MARVELD2: variants seen among roughly 807,000 people sequenced by gnomAD.
MARVELD2 encodes the protein MARVEL domain containing 2.
A neutral mutation model predicts 57.6 loss-of-function variants in MARVELD2; 49 were observed. The observed-to-expected ratio is 0.85, with a 90% CI of 0.68 to 1.08. The LOEUF is 1.08. Among genes scored for constraint, MARVELD2 ranks in the 50% least tolerant of loss-of-function variants. The pLI, the probability that MARVELD2 is intolerant of heterozygous loss-of-function variation, is 0.00. For synonymous variants in MARVELD2, 238 were observed against 258.8 expected (o/e 0.92, Z 0.77); for missense variants, 606 against 701.1 (o/e 0.86, Z 1.53).
intron 5 of MARVELD2, among the ~76,000 whole-genome samples, chr5:69,438,977 G>T (rs1336680078): frequency 6.7e-6 from 1 of 150,292 alleles, no homozygotes; most frequent in Non-Finnish European, 1.5e-5. Context: ...GAGACAGGAG[G>T]ATCACTTGAG....
At chr5:69,422,346 T>C (rs1427119302) in intron 2 of MARVELD2, among the ~76,000 whole-genome samples, 1 of 152,206 alleles carries the variant, frequency 6.6e-6, no homozygotes. Context: ...GAATTCTTTT[T>C]CTCAGCAAGG....
chr5:69,436,950 C>T (rs1207392711), intron 5 of MARVELD2, among the ~76,000 whole-genome samples: 2 of 151,936 alleles, frequency 1.3e-5, no homozygotes, highest in Non-Finnish European at 2.9e-5. Flanking sequence ...TGGAGAAACC[C>T]CATCTCGGCC....
chr5:69,441,475 C>T, intron 6 of MARVELD2, 57 bp from the exon 7 acceptor site: 2 of 1,589,906 alleles, frequency 1.3e-6, no homozygotes, highest in Non-Finnish European at 1.7e-6. Flanking sequence ...ATGTATGTTT[C>T]TGTGTTTTTC....
At chr5:69,426,320 C>CATTATTATTATTATTATTATTATT (rs61577972) in intron 3 of MARVELD2, among the ~76,000 whole-genome samples, 46 of 140,116 alleles carry the variant, frequency 3.3e-4, no homozygotes, top group East Asian at 6.2e-4. Flanking sequence ...AGATACTGGA[C>CATTATTATTATTATTATTATTATT]ATTATTATTA....
intron 3 of MARVELD2, among the ~76,000 whole-genome samples, chr5:69,425,021 T>A (rs1421568279): frequency 2.7e-5 from 4 of 146,784 alleles, no homozygotes; most frequent in African/African-American, 7.5e-5. Flanking sequence ...TGAGACTGTT[T>A]AAAAAAAGAA....
At position 69,432,527 on chromosome 5, in the gene MARVELD2, T is replaced by C; in HGVS notation, c.1183T>C (p.Cys395Arg). Residue 395 changes from cysteine to arginine, a missense_variant and splice_region_variant, in exon 4 of 7, where the codon TGT (cysteine) becomes CGT (arginine). By Grantham distance (180) the Cys-to-Arg change is radical. Transcript: ENST00000325631. ...ATCCTCTTTTTCTCCCTAACTGCAG[T>C]GTGAAATGGCCACCAGTGGTGACAG... is the stretch of plus-strand genomic sequence containing the variant. ...EPSLSSKRKM[C>R]EMATSGDRQR... The C allele has an allele frequency of 1.2e-6, 2 of 1,613,798 alleles. No homozygotes were observed. Among genetic ancestry groups the C allele is most frequent in the Non-Finnish European group, 1.7e-6 (2 of 1,179,716 alleles).
chr5:69,441,070 G>A (rs1024104371), intron 6 of MARVELD2, among the ~76,000 whole-genome samples: 1 of 151,982 alleles, frequency 6.6e-6, no homozygotes, highest in Admixed American at 6.6e-5. Flanking sequence ...GCAACAAAGT[G>A]AAACCCTGTC....
In MARVELD2 at chr5:69,419,957, G is replaced by A; in HGVS notation, c.572G>A (p.Gly191Asp). 1.2e-6 allele frequency: 2 copies of A among 1,614,160 alleles called. No homozygotes were observed. The highest frequency in any genetic ancestry group is 1.7e-6 in the Non-Finnish European group (2 of 1,180,032). The change falls in exon 2 of 7, where the codon GGC (glycine) becomes GAC (aspartate). Residue 191 changes from glycine to aspartate, a missense_variant. By Grantham distance (94) the Gly-to-Asp change is moderately conservative. Coordinates refer to ENST00000325631, the MANE Select transcript of MARVELD2 (RefSeq NM_001038603.3). ...TACTCCTACATGAAGTCGTGGGCAG[G>A]CCTGCTGAGAATACTGGGTGTGGTG... ...LRYSYMKSWA[G>D]LLRILGVVEL...
rs1163571513 is a variant in MARVELD2 at position 69,444,192 on chromosome 5, A to G, written c.*2538A>G. 6 of 152,102 alleles carry G rather than the reference A, an allele frequency of 3.9e-5. No homozygotes were observed. The highest frequency in any genetic ancestry group is 1.4e-4 in the African/African-American group (6 of 41,434). 9.4% of individuals were successfully genotyped at this position (152,102 alleles called of 1,614,324 possible). ...AATGTTGTGGTCAATCCCTAGGTGC[A>G]TTAAAGTTTCAGTCACCTGCCGTGT... On this transcript the variant is annotated 3_prime_UTR_variant, in exon 7 of 7. Transcript: ENST00000325631.
rs1580490375 is a variant in MARVELD2 at position 69,432,568 on chromosome 5, A to G, written c.1224A>G (p.Glu408=). The part of the protein sequence containing the change: ...ATSGDRQRDS[E]VNFKELRTAK... ...GTGGTGACAGACAAAGAGACTCAGA[A>G]GTTAATTTCAAGGAACTGAGAACAG... The change falls in exon 4 of 7, where the codon GAA becomes GAG. Residue 408 remains glutamate (E), a synonymous_variant. Transcript: ENST00000325631. 2 of 1,614,198 alleles carry G rather than the reference A, an allele frequency of 1.2e-6. No homozygotes were observed. Among genetic ancestry groups the G allele is most frequent in the Non-Finnish European group, 1.7e-6 (2 of 1,180,034 alleles).
At position 69,441,571 on chromosome 5, in the gene MARVELD2, C is replaced by G. The variant is rs771715111; in HGVS notation, c.1594C>G (p.Leu532Val). ...GGAAAAAAAAGAACGCTGTGATTACCTAAAGAATAAACTTTCTCACATAAA... is the reference window on the plus strand; with the variant it reads ...GGAAAAAAAAGAACGCTGTGATTACGTAAAGAATAAACTTTCTCACATAAA... The part of the protein sequence containing the change: ...FLEKKERCDY[L>V]KNKLSHIKQR... Residue 532 changes from leucine to valine, a missense_variant, in exon 7 of 7, where the codon CTA becomes GTA. Physicochemically the swap from Leu to Val is conservative, Grantham distance 32. Transcript: ENST00000325631. The G allele has an allele frequency of 6.2e-7, 1 of 1,604,834 alleles. No individual in the cohort carries two copies. The highest frequency in any genetic ancestry group is 8.5e-7 in the Non-Finnish European group (1 of 1,172,088).
At chr5:69,427,882 C>G (rs1651020491) in intron 3 of MARVELD2, among the ~76,000 whole-genome samples, 1 of 152,164 alleles carries the variant, frequency 6.6e-6, no homozygotes, top group Non-Finnish European at 1.5e-5. Context: ...GAAGCCAAAG[C>G]AGGTGGATCT....
intron 6 of MARVELD2, 56 bp downstream of exon 6, chr5:69,440,556 T>A (rs1431654581): frequency 3.0e-6 from 3 of 999,726 alleles, no homozygotes; most frequent in Non-Finnish European, 4.7e-6. Context: ...TATGTGATAA[T>A]TTACAGACTC....
At chr5:69,423,719 C>T (rs1766699367) in intron 2 of MARVELD2, among the ~76,000 whole-genome samples, 2 of 151,868 alleles carry the variant, frequency 1.3e-5, no homozygotes, top group South Asian at 2.1e-4. Context: ...GCAATCCTCT[C>T]CCCTCAGCCT....
intron 1 of MARVELD2, chr5:69,415,858 C>A (rs1766394283): frequency 6.6e-6 from 1 of 152,246 alleles, no homozygotes; most frequent in South Asian, 2.1e-4. Context: ...GGGTCCGGGG[C>A]CTGAGCAGGA....
chr5:69,441,035 A>G (rs1206914802), intron 6 of MARVELD2, among the ~76,000 whole-genome samples: 2 of 152,180 alleles, frequency 1.3e-5, no homozygotes, highest in Non-Finnish European at 2.9e-5. Flanking sequence ...ACTGGGAGAC[A>G]GTACGCCACT....
At position 69,443,120 on chromosome 5, in the gene MARVELD2, C is replaced by T. The variant is rs912138833; in HGVS notation, c.*1466C>T. On this transcript the variant is annotated 3_prime_UTR_variant, in exon 7 of 7. Coordinates refer to ENST00000325631, the MANE Select transcript of MARVELD2 (RefSeq NM_001038603.3). ...TTGGGATTACAGGCGTGAGTCACCG[C>T]GCCCAGCTGGTATTGCTTTTCTATT... is the stretch of plus-strand genomic sequence containing the variant. The T allele has an allele frequency of 6.6e-6, 1 of 152,092 alleles. No homozygotes were observed. The highest frequency in any genetic ancestry group is 6.6e-5 in the Admixed American group (1 of 15,224). 9.4% of individuals were successfully genotyped at this position (152,092 alleles called of 1,614,324 possible).
chr5:69,431,830 CTTTTTTTTTTTT>C (rs904263527), intron 3 of MARVELD2, among the ~76,000 whole-genome samples: 6 of 97,818 alleles, frequency 6.1e-5, no homozygotes, highest in African/African-American at 8.4e-5. Context: ...TCTTCTTCTT[CTTTTTTTTTTTT>C]TTTTTTTTTT....
chr5:69,437,311 G>A (rs1767179613), intron 5 of MARVELD2, among the ~76,000 whole-genome samples: 1 of 150,968 alleles, frequency 6.6e-6, no homozygotes. Flanking sequence ...GACCCAGGAG[G>A]CGGAGGCTCT....
Sources: gnomAD v4.1 joint callset for allele counts (sites outside exome capture counted in the v4.1 genomes callset) on GRCh38, gnomAD v4.1.1 for gene constraint, MANE v1.5 for transcripts, NCBI Gene and HGNC (gene_info 2026-07-23, HGNC 2026-07-21) for gene names.